Variants in OR51B5 observed in about 807,000 individuals in gnomAD.
OR51B5 encodes the protein olfactory receptor family 51 subfamily B member 5.
For synonymous variants in OR51B5, 186 were observed against 144.8 expected, an observed-to-expected ratio of 1.28 and a Z score of -2.04; for missense variants, 456 against 374.6, an observed-to-expected ratio of 1.22 and a Z score of -1.79.
chr11:5,474,700 A>G (rs1010309075), intron 1 of OR51B5, among the ~76,000 whole-genome samples: 1 of 152,240 alleles, frequency 6.6e-6, no homozygotes, highest in African/African-American at 2.4e-5. Flanking sequence ...TTGGAAATTA[A>G]TAACATCACA....
chr11:5,393,330 CTAT>C (rs1486334127), intron 1 of OR51B5: 3 of 151,902 alleles, frequency 2.0e-5, no homozygotes, highest in Non-Finnish European at 4.4e-5. Context: ...ATTTGATACA[CTAT>C]TATTAAAATG....
intron 1 of OR51B5, among the ~76,000 whole-genome samples, chr11:5,496,420 G>A (rs898091549): frequency 3.7e-4 from 1 of 2,720 alleles, no homozygotes; most frequent in Non-Finnish European, 7.3e-4. Flanking sequence ...CCCTTTCACC[G>A]CTCATGGTTT....
intron 1 of OR51B5, among the ~76,000 whole-genome samples, chr11:5,492,077 A>G (rs1294774048): frequency 6.6e-6 from 1 of 152,126 alleles, no homozygotes. Flanking sequence ...AGCTGTTTCA[A>G]TTTGTGCTGA....
intron 1 of OR51B5, among the ~76,000 whole-genome samples, chr11:5,461,619 T>A (rs1444901360): frequency 2.0e-5 from 3 of 152,204 alleles, no homozygotes; most frequent in African/African-American, 7.2e-5. Flanking sequence ...GCCTTTCCCA[T>A]GCCAAACCCC....
At chr11:5,362,269 T>C (rs561924741) in intron 1 of OR51B5, among the ~76,000 whole-genome samples, 36 of 152,338 alleles carry the variant, frequency 2.4e-4, no homozygotes, top group African/African-American at 8.2e-4. Context: ...AAGTGTTTAC[T>C]ATTTTTACCA....
At chr11:5,354,128 TG>T (rs1261118850) in intron 1 of OR51B5, among the ~76,000 whole-genome samples, 1 of 152,062 alleles carries the variant, frequency 6.6e-6, no homozygotes, top group Non-Finnish European at 1.5e-5. Context: ...AAATTTAAAG[TG>T]ACCCATGTCT....
At chr11:5,413,689 G>T (rs990365931) in intron 1 of OR51B5, among the ~76,000 whole-genome samples, 2 of 152,162 alleles carry the variant, frequency 1.3e-5, no homozygotes, top group African/African-American at 4.8e-5. Context: ...ATCAGTGATG[G>T]AAGATGAAAT....
At chr11:5,342,711 G>C in exon 1 of OR51B5, 1 of 1,613,676 alleles carries the variant, frequency 6.2e-7, no homozygotes, top group Non-Finnish European at 8.5e-7. Context: ...CTCATAATGA[G>C]GTGAACAATA....
chr11:5,434,840 GT>G (rs1205477642), intron 1 of OR51B5, among the ~76,000 whole-genome samples: 3 of 152,124 alleles, frequency 2.0e-5, no homozygotes, highest in African/African-American at 4.8e-5. Context: ...CTAGAATCTA[GT>G]TCTTCCAATT....
intron 1 of OR51B5, among the ~76,000 whole-genome samples, chr11:5,452,953 C>A (rs1015434601): frequency 1.3e-5 from 2 of 152,226 alleles, no homozygotes; most frequent in Non-Finnish European, 2.9e-5. Context: ...AGCCCACTGT[C>A]CTTTTCCCTC....
chr11:5,441,267 A>C, intron 1 of OR51B5: 2 of 1,613,998 alleles, frequency 1.2e-6, no homozygotes, highest in Non-Finnish European at 1.7e-6. Context: ...AGTAGAAATC[A>C]CAGTGGGAAG....
chr11:5,464,978 G>T (rs531234203), intron 1 of OR51B5, among the ~76,000 whole-genome samples: 2 of 152,142 alleles, frequency 1.3e-5, no homozygotes, highest in African/African-American at 4.8e-5. Flanking sequence ...AGGCCGAGGC[G>T]GGCGGATCGC....
At chr11:5,409,012 T>C (rs1850103712) in intron 1 of OR51B5, among the ~76,000 whole-genome samples, 2 of 152,186 alleles carry the variant, frequency 1.3e-5, no homozygotes, top group South Asian at 2.1e-4. Flanking sequence ...TCTATAGGTA[T>C]GTTCTTGGTG....
chr11:5,477,917 C>G (rs1466000405), intron 1 of OR51B5, among the ~76,000 whole-genome samples: 2 of 151,796 alleles, frequency 1.3e-5, no homozygotes, highest in East Asian at 3.9e-4. Flanking sequence ...AACTGCAAGG[C>G]AGCAGGGAGG....
At chr11:5,494,697 G>A (rs1002042610) in intron 1 of OR51B5, among the ~76,000 whole-genome samples, 2 of 152,112 alleles carry the variant, frequency 1.3e-5, no homozygotes, top group African/African-American at 4.8e-5. Flanking sequence ...TTAAGACTGT[G>A]TTTCATCATG....
chr11:5,458,263 A>G (rs2133791561), intron 1 of OR51B5, among the ~76,000 whole-genome samples: 1 of 152,272 alleles, frequency 6.6e-6, no homozygotes, highest in South Asian at 2.1e-4. Context: ...ACTTTGTCAA[A>G]GATCAGATGG....
intron 1 of OR51B5, among the ~76,000 whole-genome samples, chr11:5,465,107 G>A (rs1313295039): frequency 2.7e-5 from 4 of 148,818 alleles, no homozygotes; most frequent in African/African-American, 9.9e-5. Context: ...TTGGGAGGCT[G>A]AGGCAGGAGA....
intron 1 of OR51B5, among the ~76,000 whole-genome samples, chr11:5,444,084 C>T (rs1479877269): frequency 2.0e-5 from 3 of 152,088 alleles, no homozygotes; most frequent in Non-Finnish European, 4.4e-5. Flanking sequence ...TTTAAGCTCT[C>T]CTGAATAAAT....
At chr11:5,431,628 C>G (rs542815789) in intron 1 of OR51B5, 1 of 153,266 alleles carries the variant, frequency 6.5e-6, no homozygotes, top group Non-Finnish European at 1.5e-5. Flanking sequence ...GATCAGTCTT[C>G]GCCTGCCATT....
Sources: allele counts gnomAD v4.1 joint callset (sites outside exome capture counted in the v4.1 genomes callset), GRCh38; gene constraint gnomAD v4.1.1; transcripts MANE v1.5; gene names NCBI Gene and HGNC (gene_info 2026-07-23, HGNC 2026-07-21).